Variants in CD109 observed in about 807,000 individuals in gnomAD.
CD109 encodes CD109 antigen.
Under a neutral mutation model 165.8 loss-of-function variants are expected in CD109, and 149 were observed. The observed-to-expected ratio is 0.90, with a 90% CI of 0.79 to 1.03. CD109 has a LOEUF of 1.03. CD109 is among the 50% of genes least tolerant of loss of function. The pLI is 0.00. For missense variants in CD109, 1,712 were observed against 1,677.8 expected (o/e 1.02, Z -0.36); for synonymous variants, 585 against 592.1 (o/e 0.99, Z 0.18).
chr6:73,721,304 C>T (rs72953401), intron 2 of CD109, among the ~76,000 whole-genome samples: 10,510 of 151,678 alleles, frequency 0.069, 463 homozygotes, highest in East Asian at 0.11. Flanking sequence ...AGTGTGCACA[C>T]GTCTAAGAGT....
At chr6:73,812,896 A>ATTGTGTGCT (rs1775802328) in intron 29 of CD109, among the ~76,000 whole-genome samples, 1 of 152,104 alleles carries the variant, frequency 6.6e-6, no homozygotes, top group Non-Finnish European at 1.5e-5. Context: ...AGGACCAAAA[A>ATTGTGTGCT]TGGTTGTGTG....
intron 3 of CD109, among the ~76,000 whole-genome samples, chr6:73,725,320 A>T (rs922612490): frequency 6.6e-6 from 1 of 152,152 alleles, no homozygotes; most frequent in Non-Finnish European, 1.5e-5. Context: ...TAAGCTCAGG[A>T]ATCACAGCCT....
At chr6:73,771,613 A>G (rs1047103051) in intron 15 of CD109, 32 bp downstream of exon 15, 4 of 1,464,550 alleles carry the variant, frequency 2.7e-6, no homozygotes, top group East Asian at 2.4e-5. Context: ...TTATGAAAAT[A>G]TGTATTACAA....
rs1246621636 is a variant in CD109 at position 73,711,679 on chromosome 6, G to A, written c.248-11572G>A. On this transcript the variant is annotated intron_variant, in intron 2 of 32. Transcript: ENST00000287097. Reference sequence around the variant, plus strand: ...CTCCCAAGTAGCTGGGACTACAGGCGCCCGCCACTACGCCCGGCTAATTTT... The same window carrying A: ...CTCCCAAGTAGCTGGGACTACAGGCACCCGCCACTACGCCCGGCTAATTTT... Among the ~76,000 whole-genome samples the A allele has an allele frequency of 2.3e-4, 8 of 35,482 alleles. 3 individuals are homozygous for A. The highest frequency in any genetic ancestry group is 9.3e-4 in the Admixed American group (3 of 3,214). The allele number at this position is 35,482 out of a possible 152,430, so 23.3% of individuals were successfully genotyped here. A position where few individuals can be genotyped will look rare whatever the true frequency, so the allele number is the denominator to read the frequency against.
intron 1 of CD109, among the ~76,000 whole-genome samples, chr6:73,696,611 T>C (rs900179345): frequency 6.6e-6 from 1 of 152,222 alleles, no homozygotes; most frequent in Admixed American, 6.5e-5. Context: ...TGCTCCCAGA[T>C]TGCGATTCTT....
intron 3 of CD109, among the ~76,000 whole-genome samples, chr6:73,728,305 G>A (rs9442953): frequency 0.3 from 45,914 of 151,824 alleles, 7,052 homozygotes; most frequent in Admixed American, 0.35. Flanking sequence ...GCAAGAGTTC[G>A]TCTCAAAACA....
chr6:73,729,395 C>T (rs1042090653), intron 3 of CD109, among the ~76,000 whole-genome samples: 1 of 151,320 alleles, frequency 6.6e-6, no homozygotes, highest in Non-Finnish European at 1.5e-5. Context: ...ATAAGAATAT[C>T]CACCTGAGGG....
chr6:73,808,377 G>A (rs117315027), intron 26 of CD109, 129 bp downstream of exon 26: 20 of 877,292 alleles, frequency 2.3e-5, no homozygotes, highest in Non-Finnish European at 3.2e-5. Context: ...CACATAATGA[G>A]ATCAGGATGG....
At chr6:73,780,535 T>G (rs1215577813) in intron 16 of CD109, 37 bp downstream of exon 16, 2 of 1,323,364 alleles carry the variant, frequency 1.5e-6, no homozygotes, top group African/African-American at 1.5e-5. Flanking sequence ...GATATTAATA[T>G]TTTTTACTAT....
At chr6:73,777,370 A>G (rs369779189) in intron 15 of CD109, among the ~76,000 whole-genome samples, 7 of 151,718 alleles carry the variant, frequency 4.6e-5, no homozygotes, top group African/African-American at 1.5e-4. Context: ...ATTTTCTCCC[A>G]TTTTGTAGGT....
At chr6:73,802,285 G>GTA (rs1386422247) in intron 23 of CD109, among the ~76,000 whole-genome samples, 8 of 99,622 alleles carry the variant, frequency 8.0e-5, no homozygotes, top group Non-Finnish European at 9.9e-5. Flanking sequence ...GTGTGTGTGT[G>GTA]TGTGTATATA....
At chr6:73,693,386 C>T (rs1352694149), upstream of CD109, among the ~76,000 whole-genome samples, 1 of 152,120 alleles carries the variant, frequency 6.6e-6, no homozygotes, top group Non-Finnish European at 1.5e-5. Flanking sequence ...ACCCCCCGAC[C>T]CCCAGGGAGG....
At chr6:73,763,509 T>C (rs1773717504) in intron 9 of CD109, 67 bp from the exon 10 acceptor site, 1 of 860,780 alleles carries the variant, frequency 1.2e-6, no homozygotes, top group Non-Finnish European at 1.9e-6. Context: ...GATGGAGAGA[T>C]TTGGTGGATA....
At chr6:73,764,343 A>G (rs1183999002) in intron 10 of CD109, among the ~76,000 whole-genome samples, 2 of 152,244 alleles carry the variant, frequency 1.3e-5, no homozygotes, top group Admixed American at 6.5e-5. Context: ...AAATATTTTC[A>G]GCTTTGTGGC....
chr6:73,781,525 A>G (rs535034857), intron 17 of CD109, among the ~76,000 whole-genome samples: 1 of 152,274 alleles, frequency 6.6e-6, no homozygotes, highest in Admixed American at 6.5e-5. Flanking sequence ...CTGTCTAGAT[A>G]TTTGAAGTGA....
intron 24 of CD109, among the ~76,000 whole-genome samples, chr6:73,805,575 G>A (rs1304835188): frequency 3.3e-5 from 5 of 152,168 alleles, no homozygotes; most frequent in Non-Finnish European, 7.4e-5. Flanking sequence ...GACCCTTTAC[G>A]GGTGTTGGGC....
In CD109 at chr6:73,762,497, C is replaced by A; in HGVS notation, c.855+17C>A. On this transcript the variant is annotated intron_variant, in intron 8 of 32. Coordinates refer to ENST00000287097, the MANE Select transcript of CD109 (RefSeq NM_133493.5). Reference sequence around the variant, plus strand: ...ACATTTAAGGTAACTTTTGCAGACACTTTATAACTTGTGATGGGTAAAATA... The same window carrying A: ...ACATTTAAGGTAACTTTTGCAGACAATTTATAACTTGTGATGGGTAAAATA... The A allele has an allele frequency of 6.8e-7, 1 of 1,471,850 alleles. No individual in the cohort carries two copies. The highest frequency in any genetic ancestry group is 9.5e-7 in the Non-Finnish European group (1 of 1,053,416). The allele number at this position is 1,471,850 out of a possible 1,614,324, so 91.2% of individuals were successfully genotyped here. A position where few individuals can be genotyped will look rare whatever the true frequency, so the allele number is the denominator to read the frequency against.
At chr6:73,681,689 G>A in the CD109 span, among the ~76,000 whole-genome samples, 2 of 151,660 alleles carry the variant, frequency 1.3e-5, no homozygotes, top group South Asian at 2.1e-4. Context: ...TACAACTTCC[G>A]CCTTCTGGGT....
intron 2 of CD109, among the ~76,000 whole-genome samples, chr6:73,720,363 G>A (rs552229058): frequency 1.1e-4 from 16 of 152,164 alleles, no homozygotes; most frequent in Non-Finnish European, 1.9e-4. Context: ...GAAGTGAAAG[G>A]AATGGGGAGA....
Sources: gnomAD v4.1 joint callset for allele counts (sites outside exome capture counted in the v4.1 genomes callset) on GRCh38, gnomAD v4.1.1 for gene constraint, MANE v1.5 for transcripts, NCBI Gene and HGNC (gene_info 2026-07-23, HGNC 2026-07-21) for gene names.